EXTL3: variants seen among roughly 807,000 people sequenced by gnomAD.
EXTL3 encodes exostosin-like 3.
Under a neutral mutation model 69.3 loss-of-function variants are expected in EXTL3, and 27 were observed. That is an observed-to-expected ratio of 0.39 (90% CI 0.29 to 0.54). The LOEUF (loss-of-function observed/expected upper bound fraction) is 0.54. EXTL3 is among the 20% of genes least tolerant of loss of function. The pLI, the probability that EXTL3 is intolerant of heterozygous loss-of-function variation, is 0.69. For missense variants in EXTL3, 1,003 were observed against 1,231.8 expected, an observed-to-expected ratio of 0.81 and a Z score of 2.78; for synonymous variants, 511 against 499.4, an observed-to-expected ratio of 1.02 and a Z score of -0.31.
chr8:28,653,010 A>C (rs1404364476), intron 1 of EXTL3, among the ~76,000 whole-genome samples: 1 of 152,218 alleles, frequency 6.6e-6, no homozygotes, highest in Non-Finnish European at 1.5e-5. Context: ...TTGATTAACC[A>C]AATTGACATA....
At chr8:28,629,043 C>G (rs1266554777) in intron 1 of EXTL3, among the ~76,000 whole-genome samples, 1 of 152,114 alleles carries the variant, frequency 6.6e-6, no homozygotes, top group Non-Finnish European at 1.5e-5. Context: ...GTTCAACTTC[C>G]TCTTTTTACA....
intron 1 of EXTL3, among the ~76,000 whole-genome samples, chr8:28,680,221 A>C (rs1452681514): frequency 1.3e-5 from 2 of 152,106 alleles, no homozygotes; most frequent in South Asian, 4.2e-4. Flanking sequence ...GTGAAGCCCC[A>C]TCTCTACAAA....
At chr8:28,647,072 G>A (rs762283383) in intron 1 of EXTL3, among the ~76,000 whole-genome samples, 2 of 151,950 alleles carry the variant, frequency 1.3e-5, no homozygotes, top group African/African-American at 2.4e-5. Flanking sequence ...TCTAATCCAC[G>A]GCTGTTGCTA....
intron 2 of EXTL3, among the ~76,000 whole-genome samples, chr8:28,615,064 A>AT (rs1342919393): frequency 2.1e-5 from 3 of 143,114 alleles, no homozygotes; most frequent in Non-Finnish European, 4.5e-5. Flanking sequence ...TTTTCCAGCT[A>AT]TTTTTCTGCT....
upstream of EXTL3, among the ~76,000 whole-genome samples, chr8:28,621,197 T>C (rs73563042): frequency 0.09 from 13,639 of 152,172 alleles, 1,748 homozygotes; most frequent in African/African-American, 0.28. Flanking sequence ...TATGACCTTA[T>C]TTGGAAATCA....
At chr8:28,687,407 A>G (rs1807595044) in intron 1 of EXTL3, among the ~76,000 whole-genome samples, 1 of 151,966 alleles carries the variant, frequency 6.6e-6, no homozygotes, top group Non-Finnish European at 1.5e-5. Context: ...TGGAGGTTGC[A>G]GTGAGCCGAG....
chr8:28,727,252 C>A (rs779928073), intron 3 of EXTL3, among the ~76,000 whole-genome samples: 12 of 152,164 alleles, frequency 7.9e-5, no homozygotes, highest in Non-Finnish European at 1.5e-4. Context: ...CTGTTGTCAT[C>A]CAGCCCAGAG....
chr8:28,678,013 G>A (rs1278057702), intron 1 of EXTL3: 1 of 152,246 alleles, frequency 6.6e-6, no homozygotes, highest in Non-Finnish European at 1.5e-5. Context: ...GCCTGGAGAA[G>A]GTGGCTTGGA....
At position 28,715,936 on chromosome 8, in the gene EXTL3, G is replaced by T. The variant is rs539149533; in HGVS notation, c.-124G>T. 2 of 750,286 alleles carry T rather than the reference G, an allele frequency of 2.7e-6. No individual in the cohort carries two copies. The highest frequency in any genetic ancestry group is 5.0e-5 in the Admixed American group (2 of 40,400). The allele number at this position is 750,286 out of a possible 1,614,324, so 46.5% of individuals were successfully genotyped here. A position where few individuals can be genotyped will look rare whatever the true frequency, so the allele number is the denominator to read the frequency against. ...AAATGTTCATTTTATTTGGTGCCTT[G>T]TCTGGGGAGCACACTAACTCTTCTG... On this transcript the variant is annotated 5_prime_UTR_variant, in exon 3 of 7. Coordinates refer to ENST00000220562, the MANE Select transcript of EXTL3 (RefSeq NM_001440.4).
At chr8:28,729,336 C>T (rs1462796094) in intron 3 of EXTL3, among the ~76,000 whole-genome samples, 3 of 148,900 alleles carry the variant, frequency 2.0e-5, no homozygotes, top group Admixed American at 6.7e-5. Context: ...GTGGCTCGTG[C>T]CTGTAGTCCC....
At chr8:28,650,304 C>A (rs540689712) in intron 1 of EXTL3, among the ~76,000 whole-genome samples, 1 of 150,498 alleles carries the variant, frequency 6.6e-6, no homozygotes, top group African/African-American at 2.4e-5. Context: ...GTCCATTTTT[C>A]TTTTCTTTTT....
intron 1 of EXTL3, among the ~76,000 whole-genome samples, chr8:28,649,326 A>G (rs1806881974): frequency 6.6e-6 from 1 of 152,150 alleles, no homozygotes; most frequent in South Asian, 2.1e-4. Context: ...TTCTCTCCAC[A>G]GTGCTTGTCC....
At chr8:28,633,792 G>A (rs2130567644) in intron 1 of EXTL3, among the ~76,000 whole-genome samples, 1 of 152,284 alleles carries the variant, frequency 6.6e-6, no homozygotes, top group East Asian at 1.9e-4. Flanking sequence ...TTAGTCTTCA[G>A]TGGCTGTGAT....
intron 1 of EXTL3, among the ~76,000 whole-genome samples, chr8:28,640,493 C>T (rs901087777): frequency 9.8e-5 from 15 of 152,332 alleles, no homozygotes; most frequent in African/African-American, 2.6e-4. Context: ...AACCACAGAG[C>T]TATTTATGGT....
chr8:28,755,421 T>C lies in EXTL3; in HGVS notation c.*4555T>C, dbSNP rs1802100205. On this transcript the variant is annotated 3_prime_UTR_variant, in exon 7 of 7. Coordinates refer to ENST00000220562, the MANE Select transcript of EXTL3 (RefSeq NM_001440.4). The stretch of plus-strand genomic sequence containing the variant: ...ACTTAGAAATCACAGCTTAGGCAAA[T>C]TGTTTTACCTTTCTTCATCTGTCTT... The C allele has an allele frequency of 2.0e-5, 3 of 152,252 alleles. No homozygotes were observed. 9.4% of individuals were successfully genotyped at this position (152,252 alleles called of 1,614,324 possible).
Position 28,752,916 on chromosome 8 carries a change from T to C in EXTL3, c.*2050T>C, listed in dbSNP as rs1267053120. On this transcript the variant is annotated 3_prime_UTR_variant, in exon 7 of 7. Coordinates refer to ENST00000220562, the MANE Select transcript of EXTL3 (RefSeq NM_001440.4). ...ACTCGGTGAGCCGGGGCCGTCTGTG[T>C]GGTGGGACCCCCTTTAGCGGGACTC... 1 of 152,852 alleles carries C rather than the reference T, an allele frequency of 6.5e-6. No individual in the cohort carries two copies. Among genetic ancestry groups the C allele is most frequent in the East Asian group, 1.9e-4 (1 of 5,212 alleles). The allele number at this position is 152,852 out of a possible 1,614,324, so 9.5% of individuals were successfully genotyped here.
intron 1 of EXTL3, among the ~76,000 whole-genome samples, chr8:28,692,847 C>A (rs1800634336): frequency 6.6e-6 from 1 of 152,158 alleles, no homozygotes; most frequent in South Asian, 2.1e-4. Context: ...AAATGTGACA[C>A]TGGAACTCAG....
In EXTL3 at chr8:28,717,824, T is replaced by C; in HGVS notation, c.1765T>C (p.Tyr589His). The C allele has an allele frequency of 6.2e-7, 1 of 1,611,984 alleles. No individual in the cohort carries two copies. Among genetic ancestry groups the C allele is most frequent in the Non-Finnish European group, 8.5e-7 (1 of 1,178,246 alleles). The change falls in exon 3 of 7, where the codon TAC (tyrosine) becomes CAC (histidine). Residue 589 changes from tyrosine to histidine, a missense_variant. Physicochemically the swap from Tyr to His is moderately conservative, Grantham distance 83. Around this residue, in one of 2 missense-constraint regions of EXTL3, gnomAD observed 742 missense variants for 815.4 expected, o/e 0.91. Transcript: ENST00000220562. This position sits in a 1 kb window ranked among gnomAD's most constrained non-coding sequence, Gnocchi z 8.3. ...GGAGCCGCCCTACGCCTCACCCAGA[T>C]ACCTCCGCAATTTCACTCTGACTGT... ...ETEPPYASPR[Y>H]LRNFTLTVTD...
At chr8:28,690,233 G>C (rs1227860497) in intron 1 of EXTL3, among the ~76,000 whole-genome samples, 1 of 145,726 alleles carries the variant, frequency 6.9e-6, no homozygotes, top group Non-Finnish European at 1.5e-5. Flanking sequence ...TCTTTTTTTT[G>C]AGAGAGTCTC....
Sources: gnomAD v4.1 joint callset for allele counts (sites outside exome capture counted in the v4.1 genomes callset) on GRCh38, gnomAD v4.1.1 for gene constraint, gnomAD v4.1.1 regional missense constraint, Gnocchi (gnomAD v3.1) non-coding constraint, MANE v1.5 for transcripts, NCBI Gene and HGNC (gene_info 2026-07-23, HGNC 2026-07-21) for gene names.